The following UBE2W variants were observed in gnomAD, a reference collection of about 807,000 sequenced individuals.
UBE2W encodes ubiquitin-conjugating enzyme E2 W.
Under a neutral mutation model 27.2 loss-of-function variants are expected in UBE2W, and 18 were observed. That is an observed-to-expected ratio of 0.66 (90% CI 0.46 to 0.98). The LOEUF (loss-of-function observed/expected upper bound fraction) is 0.98, where lower values mean the gene tolerates loss of function less well. UBE2W is among the 50% of genes least tolerant of loss of function. The probability of loss-of-function intolerance (pLI) is 0.00; values close to 1 mark genes in which losing one functional copy is unlikely to be tolerated. For missense variants in UBE2W, 90 were observed against 180.2 expected, an observed-to-expected ratio of 0.50 and a Z score of 2.87; for synonymous variants, 53 against 57.2, an observed-to-expected ratio of 0.93 and a Z score of 0.33.
In UBE2W at chr8:73,799,043, T is replaced by A. The variant is rs1166441864; in HGVS notation, c.443-4928A>T. ...GAATAAATTTGCATTTCAAAGCAGG[T>A]ATGACTTCAATTTCTTAGTGAATAG... On this transcript the variant is annotated intron_variant, in intron 5 of 5. Transcript: ENST00000602593. Among the ~76,000 whole-genome samples the A allele has an allele frequency of 3.3e-5, 5 of 152,238 alleles. No homozygotes were observed. The East Asian group carries it at 9.7e-4, about 29-fold the overall frequency.
chr8:73,875,525 T>C (rs1399099365), intron 1 of UBE2W, among the ~76,000 whole-genome samples: 1 of 141,082 alleles, frequency 7.1e-6, no homozygotes, highest in African/African-American at 2.7e-5. Context: ...CATGTTACAT[T>C]TGTATAATAT....
chr8:73,816,397 C>G (rs537783227), intron 3 of UBE2W, among the ~76,000 whole-genome samples: 142 of 152,172 alleles, frequency 9.3e-4, no homozygotes, highest in African/African-American at 3.2e-3. Context: ...TTGAACATCA[C>G]CCATGAAAGA....
rs753402439 is a variant in UBE2W at position 73,789,099 on chromosome 8, GGATA to G, written c.*4999_*5002del. 1 of 984,940 alleles carries G rather than the reference GGATA, an allele frequency of 1.0e-6. No homozygotes were observed. The highest frequency in any genetic ancestry group is 4.7e-5 in the South Asian group (1 of 21,248). 61.0% of individuals were successfully genotyped at this position (984,940 alleles called of 1,614,324 possible). On this transcript the variant is annotated 3_prime_UTR_variant, in exon 6 of 6. Transcript: ENST00000602593. ...CAAAGAACCCTAACTTCAACTTTCAGGATAGAGAGCTAAGTTTCAAGTACATGTC... is the reference window on the plus strand; with the variant it reads ...CAAAGAACCCTAACTTCAACTTTCAGGAGAGCTAAGTTTCAAGTACATGTC...
chr8:73,852,890 T>A (rs1811134998), intron 1 of UBE2W, among the ~76,000 whole-genome samples: 1 of 152,250 alleles, frequency 6.6e-6, no homozygotes, highest in Non-Finnish European at 1.5e-5. Context: ...TGTCATGTAT[T>A]TCTTCAAAAT....
intron 3 of UBE2W, among the ~76,000 whole-genome samples, chr8:73,824,775 G>A (rs1163568068): frequency 6.6e-6 from 1 of 152,226 alleles, no homozygotes; most frequent in Non-Finnish European, 1.5e-5. Context: ...GATCTGACAG[G>A]AGGCAGAGCT....
chr8:73,855,933 T>C (rs930659514), intron 1 of UBE2W, among the ~76,000 whole-genome samples: 19 of 152,216 alleles, frequency 1.2e-4, no homozygotes, highest in Non-Finnish European at 4.4e-5. Flanking sequence ...TGAGAGTCTT[T>C]TTACATATTG....
intron 2 of UBE2W, among the ~76,000 whole-genome samples, chr8:73,827,023 G>C (rs1809867296): frequency 6.6e-6 from 1 of 152,150 alleles, no homozygotes; most frequent in Non-Finnish European, 1.5e-5. Context: ...AGGAAAAACG[G>C]TGGTCTTTCA....
downstream of UBE2W, chr8:73,786,083 TA>T (rs1807945310): frequency 6.1e-6 from 3 of 494,920 alleles, no homozygotes; most frequent in South Asian, 1.8e-4. Flanking sequence ...TGCTGGTTTT[TA>T]AACTCTATGT....
At chr8:73,847,991 C>T (rs1296502755) in intron 1 of UBE2W, among the ~76,000 whole-genome samples, 1 of 151,750 alleles carries the variant, frequency 6.6e-6, no homozygotes, top group Non-Finnish European at 1.5e-5. Context: ...CACCTGAGGT[C>T]GGGAGTTTGA....
At chr8:73,833,359 T>C (rs1810169347) in intron 1 of UBE2W, among the ~76,000 whole-genome samples, 1 of 151,754 alleles carries the variant, frequency 6.6e-6, no homozygotes, top group South Asian at 2.1e-4. Flanking sequence ...AAAATATTAA[T>C]AAAATTTTAA....
intron 1 of UBE2W, among the ~76,000 whole-genome samples, chr8:73,849,574 A>T (rs1024062522): frequency 8.0e-5 from 12 of 150,626 alleles, no homozygotes; most frequent in African/African-American, 2.9e-4. Flanking sequence ...TAGAGGTATG[A>T]AAAATAGAAT....
chr8:73,867,846 G>A (rs1811845168), intron 1 of UBE2W, among the ~76,000 whole-genome samples: 1 of 151,834 alleles, frequency 6.6e-6, no homozygotes, highest in South Asian at 2.1e-4. Context: ...ACCACAATGA[G>A]ATGCCACTTC....
chr8:73,844,559 C>G (rs1027245280), intron 1 of UBE2W, among the ~76,000 whole-genome samples: 1 of 152,126 alleles, frequency 6.6e-6, no homozygotes, highest in African/African-American at 2.4e-5. Flanking sequence ...AGCCTCTGCC[C>G]GGCCGCCACC....
intron 1 of UBE2W, among the ~76,000 whole-genome samples, chr8:73,854,408 T>C (rs1188532793): frequency 6.6e-6 from 1 of 152,214 alleles, no homozygotes; most frequent in African/African-American, 2.4e-5. Context: ...AAAAGAAATC[T>C]AGGTTAGATC....
rs1314359562 is a variant in UBE2W at position 73,830,440 on chromosome 8, T to C, written c.48A>G (p.Gln16=). 15 of 1,613,962 alleles carry C rather than the reference T, an allele frequency of 9.3e-6. No individual in the cohort carries two copies. The highest frequency in any genetic ancestry group is 3.3e-4 in the Middle Eastern group (2 of 6,062). The change falls in exon 2 of 6, where the codon CAA becomes CAG. Residue 16 remains glutamine (Q), a synonymous_variant. Transcript: ENST00000602593. ...AGGTCATTCCAGGAGGTGGGTCATTTTGCAAAGCCAACAGTTCTTTCTGTA... is the reference window on the plus strand; with the variant it reads ...AGGTCATTCCAGGAGGTGGGTCATTCTGCAAAGCCAACAGTTCTTTCTGTA... The part of the protein sequence containing the change: ...KRLQKELLAL[Q]NDPPPGMTLN...
intron 5 of UBE2W, among the ~76,000 whole-genome samples, chr8:73,805,023 T>G (rs943098853): frequency 1.3e-5 from 2 of 151,962 alleles, no homozygotes; most frequent in African/African-American, 4.8e-5. Flanking sequence ...ATGCCTGGGC[T>G]CCCAGTAAAT....
At position 73,786,436 on chromosome 8, in the gene UBE2W, T is replaced by C; in HGVS notation, c.*7666A>G. ...TTAAATGCCTATGTGCTACAGGTACTGTATACTAGGTACTGTGTGCTACGT... is the reference window on the plus strand; with the variant it reads ...TTAAATGCCTATGTGCTACAGGTACCGTATACTAGGTACTGTGTGCTACGT... On this transcript the variant is annotated 3_prime_UTR_variant, in exon 6 of 6. Coordinates refer to ENST00000602593, the MANE Select transcript of UBE2W (RefSeq NM_018299.6). 3.0e-6 allele frequency: 3 copies of C among 984,928 alleles called. No individual in the cohort carries two copies. The highest frequency in any genetic ancestry group is 3.6e-6 in the Non-Finnish European group (3 of 829,484). 61.0% of individuals were successfully genotyped at this position (984,928 alleles called of 1,614,324 possible). A position where few individuals can be genotyped will look rare whatever the true frequency, so the allele number is the denominator to read the frequency against.
At chr8:73,816,851 T>C (rs1248958000) in intron 3 of UBE2W, among the ~76,000 whole-genome samples, 1 of 152,136 alleles carries the variant, frequency 6.6e-6, no homozygotes, top group Non-Finnish European at 1.5e-5. Context: ...CTGGCCAACA[T>C]GGCAAAACCT....
chr8:73,851,978 A>G (rs79095966), intron 1 of UBE2W, among the ~76,000 whole-genome samples: 2 of 146,442 alleles, frequency 1.4e-5, no homozygotes, highest in African/African-American at 5.1e-5. Flanking sequence ...AAAAAAAAAA[A>G]GGAAAGAGAA....
Sources: gnomAD v4.1 joint callset for allele counts (sites outside exome capture counted in the v4.1 genomes callset) on GRCh38, gnomAD v4.1.1 for gene constraint, MANE v1.5 for transcripts, NCBI Gene and HGNC (gene_info 2026-07-23, HGNC 2026-07-21) for gene names.